Variants in OSBPL3 observed in about 807,000 individuals in gnomAD.
OSBPL3 encodes oxysterol binding protein like 3.
In OSBPL3, 65 loss-of-function variants were observed where a neutral mutation model predicts 120.1. The ratio of observed to expected loss-of-function variants is 0.54; its 90% CI spans 0.44 to 0.67. The LOEUF (loss-of-function observed/expected upper bound fraction) is 0.67, where lower values mean the gene tolerates loss of function less well. OSBPL3 is among the 30% of genes least tolerant of loss of function. The pLI is 0.00. For missense variants in OSBPL3, 1,004 were observed against 1,082.1 expected, an observed-to-expected ratio of 0.93 and a Z score of 1.01; for synonymous variants, 416 against 402.6, an observed-to-expected ratio of 1.03 and a Z score of -0.40.
rs749448883 is a variant in OSBPL3 at position 24,932,326 on chromosome 7, C to A, written c.-149-39705G>T. Among the ~76,000 whole-genome samples the A allele has an allele frequency of 6.6e-6, 1 of 152,122 alleles. No homozygotes were observed. Among genetic ancestry groups the A allele is most frequent in the Non-Finnish European group, 1.5e-5 (1 of 68,036 alleles). On this transcript the variant is annotated intron_variant, in intron 1 of 22. Coordinates refer to ENST00000313367, the MANE Select transcript of OSBPL3 (RefSeq NM_015550.4). The surrounding 1 kb of genome is among the most constrained non-coding windows in gnomAD (Gnocchi z 5.6). ...TTCCCCGGTCAAGTTTCAAGCTGTG[C>A]GCCCAGGGGTCTGAGATAGGTTAGA... is the stretch of plus-strand genomic sequence containing the variant.
intron 14 of OSBPL3, among the ~76,000 whole-genome samples, chr7:24,836,832 T>C (rs1015611275): frequency 2.6e-5 from 4 of 152,196 alleles, no homozygotes; most frequent in Non-Finnish European, 5.9e-5. Flanking sequence ...TTGTTTTGCT[T>C]TTTTAAAATT....
At chr7:24,962,381 AGAGGGGAGGGGG>A (rs1487737288) in intron 1 of OSBPL3, among the ~76,000 whole-genome samples, 40 of 121,194 alleles carry the variant, frequency 3.3e-4, no homozygotes, top group African/African-American at 1.1e-3. Flanking sequence ...AAAGGAGAGG[AGAGGGGAGGGGG>A]GAGGGGAGGG....
chr7:24,801,410 T>G (rs1792340838), intron 22 of OSBPL3, among the ~76,000 whole-genome samples: 1 of 152,210 alleles, frequency 6.6e-6, no homozygotes, highest in South Asian at 2.1e-4. Context: ...GCCAGCCTCC[T>G]GATTCTTCTC....
At chr7:24,869,616 G>A (rs1801827782) in intron 5 of OSBPL3, among the ~76,000 whole-genome samples, 2 of 152,174 alleles carry the variant, frequency 1.3e-5, no homozygotes, top group South Asian at 4.1e-4. Flanking sequence ...TCAATATCCT[G>A]CTGTACAAAG....
intron 20 of OSBPL3, 111 bp from the exon 21 acceptor site, chr7:24,807,013 C>T: frequency 1.2e-6 from 1 of 850,820 alleles, no homozygotes; most frequent in Admixed American, 2.5e-5. Flanking sequence ...TCTCAGCTCC[C>T]TTCCATTTCT....
Position 24,818,177 on chromosome 7 carries a change from T to C in OSBPL3, c.1949-1489A>G, listed in dbSNP as rs1198017446. Reference sequence around the variant, plus strand: ...AGGTGGCAGAGGGGGTGGATAATATTTGCTAAAGAGGATTCTTTTTGGAGT... The same window carrying C: ...AGGTGGCAGAGGGGGTGGATAATATCTGCTAAAGAGGATTCTTTTTGGAGT... On this transcript the variant is annotated intron_variant, in intron 17 of 22. Coordinates refer to ENST00000313367, the MANE Select transcript of OSBPL3 (RefSeq NM_015550.4). This position sits in a 1 kb window ranked among gnomAD's most constrained non-coding sequence, Gnocchi z 4.0. 6.6e-6 allele frequency among the ~76,000 whole-genome samples: 1 copy of C among 152,196 alleles called. No homozygotes were observed. Among genetic ancestry groups the C allele is most frequent in the Non-Finnish European group, 1.5e-5 (1 of 68,032 alleles).
Position 24,863,541 on chromosome 7 carries a change from G to C in OSBPL3, c.732C>G (p.Asp244Glu), listed in dbSNP as rs376130958. ...VEMSQLLQSMDVLHRTYSAPA... is the reference protein window; with the variant it reads ...VEMSQLLQSMEVLHRTYSAPA... ...GTGCCGAGTATGTCCGATGCAGGAC[G>C]TCCATGCTTTGCAGGAGCTGGCTCA... is the stretch of plus-strand genomic sequence containing the variant. Residue 244 changes from aspartate to glutamate, a missense_variant, in exon 8 of 23, where the codon GAC (aspartate) becomes GAG (glutamate). By Grantham distance (45) the Asp-to-Glu change is conservative. Around this residue, in one of 4 missense-constraint regions of OSBPL3, gnomAD observed 272 missense variants for 248.8 expected, o/e 1.09. Transcript: ENST00000313367. This position sits in a 1 kb window ranked among gnomAD's most constrained non-coding sequence, Gnocchi z 5.8. 14 of 1,614,068 alleles carry C rather than the reference G, an allele frequency of 8.7e-6. No individual in the cohort carries two copies. The highest frequency in any genetic ancestry group is 1.1e-5 in the Non-Finnish European group (13 of 1,179,960).
rs184557169 is a variant in OSBPL3, at chr7:24,968,856, T to C, written c.-150+11030A>G. ...TCACATATCATTCCATATCAGAAAA[T>C]GTAGAGCTGCCTCATTTTTAACGGC... On this transcript the variant is annotated intron_variant, in intron 1 of 22. Coordinates refer to ENST00000313367, the MANE Select transcript of OSBPL3 (RefSeq NM_015550.4). This position sits in a 1 kb window ranked among gnomAD's most constrained non-coding sequence, Gnocchi z 4.6. 4.7e-4 allele frequency among the ~76,000 whole-genome samples: 71 copies of C among 152,352 alleles called. No homozygotes were observed. The highest frequency in any genetic ancestry group is 1.5e-3 in the African/African-American group (64 of 41,576).
At chr7:24,865,139 G>A (rs1801127260) in intron 7 of OSBPL3, among the ~76,000 whole-genome samples, 1 of 152,174 alleles carries the variant, frequency 6.6e-6, no homozygotes, top group Non-Finnish European at 1.5e-5. Context: ...GAAGAAACCT[G>A]TCTGCATGTA....
At chr7:24,941,062 A>G (rs1166892722) in intron 1 of OSBPL3, among the ~76,000 whole-genome samples, 1 of 152,072 alleles carries the variant, frequency 6.6e-6, no homozygotes, top group Non-Finnish European at 1.5e-5. Flanking sequence ...CTTGTGATCC[A>G]CCTGCCTTGG....
In OSBPL3 at chr7:24,964,753, A is replaced by C. The variant is rs1816186450; in HGVS notation, c.-150+15133T>G. ...ATTGTGACAAAAGTATACTAAGGTA[A>C]GATATTGACAATGGGAAAACCACTT... On this transcript the variant is annotated intron_variant, in intron 1 of 22. Coordinates refer to ENST00000313367, the MANE Select transcript of OSBPL3 (RefSeq NM_015550.4). This position sits in a 1 kb window ranked among gnomAD's most constrained non-coding sequence, Gnocchi z 4.2. Among the ~76,000 whole-genome samples, 1 of 152,258 alleles carries C rather than the reference A, an allele frequency of 6.6e-6. No individual in the cohort carries two copies. The highest frequency in any genetic ancestry group is 2.1e-4 in the South Asian group (1 of 4,836).
intron 12 of OSBPL3, among the ~76,000 whole-genome samples, chr7:24,845,445 ATGTGTGTGTGTGTGTATG>A (rs1798322716): frequency 8.7e-6 from 1 of 114,786 alleles, no homozygotes; most frequent in African/African-American, 4.2e-5. Flanking sequence ...ATTTGTGTGT[ATGTGTGTGTGTGTGTATG>A]TGTGTGTGTG....
chr7:24,810,375 T>C (rs1338685815), intron 19 of OSBPL3: 1 of 154,826 alleles, frequency 6.5e-6, no homozygotes, highest in Non-Finnish European at 1.4e-5. Flanking sequence ...AATACAAAAT[T>C]AGCCGGGTGT....
At chr7:24,902,550 T>C (rs898065004) in intron 1 of OSBPL3, among the ~76,000 whole-genome samples, 1 of 152,152 alleles carries the variant, frequency 6.6e-6, no homozygotes, top group Non-Finnish European at 1.5e-5. Context: ...ATGATAATTT[T>C]CTAAAGCAAG....
At chr7:24,882,337 A>G (rs536460002) in intron 2 of OSBPL3, among the ~76,000 whole-genome samples, 44 of 145,910 alleles carry the variant, frequency 3.0e-4, no homozygotes, top group African/African-American at 1.1e-3. Flanking sequence ...GCACTCACTT[A>G]TGAGAACATG....
At chr7:24,800,305 CAG>C (rs1486917052) in intron 22 of OSBPL3, 26 bp from the exon 23 acceptor site, 3 of 1,384,910 alleles carry the variant, frequency 2.2e-6, no homozygotes, top group East Asian at 4.6e-5. Context: ...CAATTTCTTG[CAG>C]ACTCTTGAAA....
chr7:24,807,416 C>A (rs143251675), intron 20 of OSBPL3, among the ~76,000 whole-genome samples: 1 of 152,084 alleles, frequency 6.6e-6, no homozygotes. Context: ...TGACTTGAAC[C>A]TGGGAGGCGG....
chr7:24,876,810 T>C (rs1386620447), intron 2 of OSBPL3, among the ~76,000 whole-genome samples: 2 of 152,224 alleles, frequency 1.3e-5, no homozygotes, highest in African/African-American at 2.4e-5. Flanking sequence ...TTTCTAGCTC[T>C]ATGAAAGCAG....
chr7:24,825,953 A>C (rs1380345448), intron 16 of OSBPL3, among the ~76,000 whole-genome samples: 1 of 152,260 alleles, frequency 6.6e-6, no homozygotes, highest in African/African-American at 2.4e-5. Flanking sequence ...TGATCTGGAC[A>C]ACTAAAGTTT....
Sources: allele counts gnomAD v4.1 joint callset (sites outside exome capture counted in the v4.1 genomes callset), GRCh38; gene constraint gnomAD v4.1.1; regional missense constraint gnomAD v4.1.1; non-coding constraint Gnocchi (gnomAD v3.1); transcripts MANE v1.5; gene names NCBI Gene and HGNC (gene_info 2026-07-23, HGNC 2026-07-21).